The following RCBTB2 variants were observed in gnomAD, a reference collection of about 807,000 sequenced individuals.
RCBTB2 encodes RCC1 and BTB domain containing protein 2.
In RCBTB2, 55 loss-of-function variants were observed where a neutral mutation model predicts 65.4. The ratio of observed to expected loss-of-function variants is 0.84; its 90% CI spans 0.68 to 1.05. The LOEUF is 1.05. RCBTB2 is among the 50% of genes least tolerant of loss of function. RCBTB2 has a pLI of 0.00. For missense variants in RCBTB2, 599 were observed against 680.1 expected (o/e 0.88, Z 1.33); for synonymous variants, 220 against 255.2 (o/e 0.86, Z 1.31).
At chr13:48,504,592 T>C (rs1950398585) in intron 10 of RCBTB2, among the ~76,000 whole-genome samples, 1 of 152,226 alleles carries the variant, frequency 6.6e-6, no homozygotes, top group African/African-American at 2.4e-5. Flanking sequence ...TGTTACTTTA[T>C]GCATCCGTTT....
At chr13:48,502,567 C>A (rs1201127560) in intron 11 of RCBTB2, among the ~76,000 whole-genome samples, 157 bp downstream of exon 11, 1 of 152,050 alleles carries the variant, frequency 6.6e-6, no homozygotes, top group East Asian at 1.9e-4. Context: ...ATTTCTGATG[C>A]TCTGAAGAAA....
In RCBTB2 at chr13:48,515,600, T is replaced by C. The variant is rs1951040302; in HGVS notation, c.184A>G (p.Thr62Ala). Residue 62 changes from threonine to alanine, a missense_variant, in exon 5 of 15, where the codon ACA becomes GCA. Thr to Ala is a moderately conservative substitution (Grantham distance 58). Coordinates refer to ENST00000344532, the MANE Select transcript of RCBTB2 (RefSeq NM_001268.4). ...TTCAAAATTACCTCATCATTTACTG[T>C]AGTGTATAAAACTTCATTGCCAGCA... ...GSAGNEVLYT[T>A]VNDEIFVLGT... 1 of 1,605,694 alleles carries C rather than the reference T, an allele frequency of 6.2e-7. No homozygotes were observed. The highest frequency in any genetic ancestry group is 8.5e-7 in the Non-Finnish European group (1 of 1,177,654).
chr13:48,516,789 T>C (rs9331984), intron 4 of RCBTB2, among the ~76,000 whole-genome samples: 3,940 of 152,324 alleles, frequency 0.026, 157 homozygotes, highest in African/African-American at 0.085. Flanking sequence ...ATAAATTTGT[T>C]TGAAAGAGTT....
At chr13:48,492,711 G>A (rs1488322204) in intron 14 of RCBTB2, 1 of 151,930 alleles carries the variant, frequency 6.6e-6, no homozygotes, top group Non-Finnish European at 1.5e-5. Flanking sequence ...TGCAGGAAAC[G>A]GTCTGCTGGT....
intron 1 of RCBTB2, among the ~76,000 whole-genome samples, chr13:48,525,432 GTAT>G (rs1951674177): frequency 1.1e-5 from 1 of 93,238 alleles, no homozygotes; most frequent in Non-Finnish European, 2.4e-5. Flanking sequence ...AGTTATATAT[GTAT>G]ATATAACTGA....
At chr13:48,532,569 G>GCC (rs111449389) in intron 1 of RCBTB2, 6 of 170,938 alleles carry the variant, frequency 3.5e-5, no homozygotes, top group African/African-American at 1.2e-4. Flanking sequence ...GACCTGTGAC[G>GCC]CCCCCCCAGC....
At chr13:48,516,877 T>C (rs1370767468) in intron 4 of RCBTB2, among the ~76,000 whole-genome samples, 2 of 152,258 alleles carry the variant, frequency 1.3e-5, no homozygotes, top group Non-Finnish European at 1.5e-5. Context: ...TATAATAAGA[T>C]ACATAAACAG....
intron 12 of RCBTB2, among the ~76,000 whole-genome samples, chr13:48,500,680 G>A (rs2138449307): frequency 6.6e-6 from 1 of 152,314 alleles, no homozygotes; most frequent in South Asian, 2.1e-4. Context: ...CAAATCCCCA[G>A]CAGCTAGGAA....
In RCBTB2 at chr13:48,493,225, T is replaced by TCACACACACACACACACACACACACA. The variant is rs3085589; in HGVS notation, c.1515+2940_1515+2965dup. On this transcript the variant is annotated intron_variant, in intron 14 of 14. Coordinates refer to ENST00000344532, the MANE Select transcript of RCBTB2 (RefSeq NM_001268.4). ...TATACAGCCTCCTAAGTACCCTCCT[T>TCACACACACACACACACACACACACA]CACACACACACACACACACACACAC... 1.8e-3 allele frequency among the ~76,000 whole-genome samples: 192 copies of TCACACACACACACACACACACACACA among 109,062 alleles called. 4 individuals carry two copies. Among genetic ancestry groups the TCACACACACACACACACACACACACA allele is most frequent in the African/African-American group, 8.0e-3 (145 of 18,092 alleles). The allele number at this position is 109,062 out of a possible 152,430, so 71.5% of individuals were successfully genotyped here.
At chr13:48,512,619 T>C (rs974659648) in intron 7 of RCBTB2, 110 bp downstream of exon 7, 33 of 930,570 alleles carry the variant, frequency 3.5e-5, no homozygotes, top group Non-Finnish European at 5.3e-5. Context: ...TAAGGCTGAA[T>C]TTGAGGGAGG....
At chr13:48,509,336 A>G (rs1317651957) in intron 10 of RCBTB2, among the ~76,000 whole-genome samples, 2 of 152,196 alleles carry the variant, frequency 1.3e-5, no homozygotes, top group African/African-American at 4.8e-5. Context: ...AAAAATAAAA[A>G]TAAAAAAATA....
At chr13:48,527,361 T>TTCTATATGATATATA (rs1951843709) in intron 1 of RCBTB2, among the ~76,000 whole-genome samples, 1 of 112,446 alleles carries the variant, frequency 8.9e-6, no homozygotes, top group Admixed American at 8.5e-5. Context: ...TGATATATAT[T>TTCTATATGATATATA]TATATATGAT....
intron 7 of RCBTB2, 75 bp downstream of exon 7, chr13:48,512,654 A>T: frequency 8.3e-7 from 1 of 1,206,230 alleles, no homozygotes; most frequent in African/African-American, 1.5e-5. Flanking sequence ...AAATGATTGT[A>T]TTTCCAGGAC....
At position 48,510,810 on chromosome 13, in the gene RCBTB2, G is replaced by A. The variant is rs369373114; in HGVS notation, c.784-39C>T. On this transcript the variant is annotated intron_variant, in intron 9 of 14. Coordinates refer to ENST00000344532, the MANE Select transcript of RCBTB2 (RefSeq NM_001268.4). ...AATCCACTCAGGACTGCAAATATAA[G>A]TAATTATTTCACTGCTTCCACAAAG... 6 of 1,561,740 alleles carry A rather than the reference G, an allele frequency of 3.8e-6. No individual in the cohort carries two copies. The African/African-American group carries it at 4.1e-5, about 11-fold the overall frequency.
At chr13:48,527,659 G>A (rs1951882392) in intron 1 of RCBTB2, among the ~76,000 whole-genome samples, 1 of 152,046 alleles carries the variant, frequency 6.6e-6, no homozygotes, top group African/African-American at 2.4e-5. Context: ...TATATATCAA[G>A]TAAGGTAATC....
Position 48,532,634 on chromosome 13 carries a change from T to A in RCBTB2, c.-219+394A>T, listed in dbSNP as rs1455049001. On this transcript the variant is annotated intron_variant, in intron 1 of 14. Coordinates refer to ENST00000344532, the MANE Select transcript of RCBTB2 (RefSeq NM_001268.4). ...GCGGCCTCCGAGCAGATGATCACCCTGGAACGACGCCAAACGCGACCCCTA... is the reference window on the plus strand; with the variant it reads ...GCGGCCTCCGAGCAGATGATCACCCAGGAACGACGCCAAACGCGACCCCTA... 3 of 237,622 alleles carry A rather than the reference T, an allele frequency of 1.3e-5. No individual in the cohort carries two copies. In the Admixed American group the frequency reaches 1.7e-4, roughly 14 times the overall value. 14.7% of individuals were successfully genotyped at this position (237,622 alleles called of 1,614,324 possible). A position where few individuals can be genotyped will look rare whatever the true frequency, so the allele number is the denominator to read the frequency against.
rs1277821751 is a variant in RCBTB2 at position 48,515,721 on chromosome 13, T to C, written c.63A>G (p.Ser21=). 3.1e-6 allele frequency: 5 copies of C among 1,611,360 alleles called. No homozygotes were observed. Among genetic ancestry groups the C allele is most frequent in the Admixed American group, 1.7e-5 (1 of 59,192 alleles). ...TTCCCACATCTAACATCTTCAAAGATGACAGAGTAGCCTGTACTGGCTGAA... is the reference window on the plus strand; with the variant it reads ...TTCCCACATCTAACATCTTCAAAGACGACAGAGTAGCCTGTACTGGCTGAA... The part of the protein sequence containing the change: ...DSGKPVQATL[S]SLKMLDVGKW... Residue 21 remains serine, a synonymous_variant, in exon 5 of 15, where the codon TCA becomes TCG. Coordinates refer to ENST00000344532, the MANE Select transcript of RCBTB2 (RefSeq NM_001268.4).
chr13:48,526,572 G>A (rs545367832), intron 1 of RCBTB2, among the ~76,000 whole-genome samples: 35 of 151,956 alleles, frequency 2.3e-4, no homozygotes, highest in South Asian at 1.2e-3. Flanking sequence ...AGCTATGATC[G>A]CACCACTGCA....
intron 1 of RCBTB2, among the ~76,000 whole-genome samples, chr13:48,528,737 T>C (rs1259791766): frequency 6.6e-6 from 1 of 152,190 alleles, no homozygotes; most frequent in Non-Finnish European, 1.5e-5. Flanking sequence ...AGGGATAGTG[T>C]TAGCTGTAAT....
Sources: allele counts gnomAD v4.1 joint callset (sites outside exome capture counted in the v4.1 genomes callset), GRCh38; gene constraint gnomAD v4.1.1; transcripts MANE v1.5; gene names NCBI Gene and HGNC (gene_info 2026-07-23, HGNC 2026-07-21).